VSIG10L: variants seen among roughly 807,000 people sequenced by gnomAD.
VSIG10L encodes the protein V-set and immunoglobulin domain-containing protein 10-like.
A neutral mutation model predicts 67.3 loss-of-function variants in VSIG10L; 63 were observed. The observed-to-expected ratio is 0.94, with a 90% CI of 0.76 to 1.15. The LOEUF (loss-of-function observed/expected upper bound fraction) is 1.15, where lower values mean the gene tolerates loss of function less well. VSIG10L is among the 50% of genes most tolerant of loss of function. The pLI is 0.00. For missense variants in VSIG10L, 1,050 were observed against 1,177.5 expected, an observed-to-expected ratio of 0.89 and a Z score of 1.58; for synonymous variants, 499 against 524.9, an observed-to-expected ratio of 0.95 and a Z score of 0.67.
intron 9 of VSIG10L, among the ~76,000 whole-genome samples, 199 bp from the exon 10 acceptor site, chr19:51,332,839 TTTTA>T (rs765529298): frequency 1.3e-5 from 2 of 151,886 alleles, no homozygotes; most frequent in East Asian, 1.9e-4. Context: ...AGTTGTTATT[TTTTA>T]TTTATTTATT....
At chr19:51,336,666 A>G (rs1443780074) in intron 7 of VSIG10L, among the ~76,000 whole-genome samples, 1 of 151,990 alleles carries the variant, frequency 6.6e-6, no homozygotes, top group Non-Finnish European at 1.5e-5. Flanking sequence ...AAGTCCAGGA[A>G]CGCCAAGGAT....
chr19:51,337,305 G>A lies in VSIG10L; in HGVS notation c.2238C>T (p.Thr746=), dbSNP rs1985506571. The A allele has an allele frequency of 5.2e-6, 8 of 1,551,610 alleles. No homozygotes were observed. Among genetic ancestry groups the A allele is most frequent in the East Asian group, 4.9e-5 (2 of 40,896 alleles). The stretch of plus-strand genomic sequence containing the variant: ...CCCCCAGGATGGGCAGGATCCGAAA[G>A]GTCCAGGTCCCTGGGTTCCGAGGTG... ...PLPPRNPGTW[T]FRILPILGGQ... Residue 746 remains threonine, a synonymous_variant, in exon 7 of 10, where the codon ACC becomes ACT. Coordinates refer to ENST00000335624, the MANE Select transcript of VSIG10L (RefSeq NM_001163922.3).
rs993077690 is a variant in VSIG10L, at chr19:51,334,065, G to C, written c.2420-120C>G. On this transcript the variant is annotated intron_variant, in intron 8 of 9. Transcript: ENST00000335624. ...AGCCTTATGCTGATTGGCTGATTTG[G>C]AGGTAGGAGGGCAGGATGGATGACC... 4.7e-6 allele frequency: 7 copies of C among 1,483,622 alleles called. No individual in the cohort carries two copies. In the African/African-American group the frequency reaches 9.9e-5, roughly 21 times the overall value. 91.9% of individuals were successfully genotyped at this position (1,483,622 alleles called of 1,614,324 possible). A position where few individuals can be genotyped will look rare whatever the true frequency, so the allele number is the denominator to read the frequency against.
intron 7 of VSIG10L, among the ~76,000 whole-genome samples, chr19:51,336,514 A>T (rs1427275501): frequency 6.6e-6 from 1 of 152,004 alleles, no homozygotes; most frequent in Non-Finnish European, 1.5e-5. Flanking sequence ...AGATCATGCC[A>T]TTGCACTCCA....
At position 51,332,576 on chromosome 19, in the gene VSIG10L, C is replaced by T. The variant is rs780371154; in HGVS notation, c.*35G>A. The T allele has an allele frequency of 1.3e-6, 2 of 1,551,474 alleles. No homozygotes were observed. Among genetic ancestry groups the T allele is most frequent in the East Asian group, 2.4e-5 (1 of 40,914 alleles). On this transcript the variant is annotated 3_prime_UTR_variant, in exon 10 of 10. Coordinates refer to ENST00000335624, the MANE Select transcript of VSIG10L (RefSeq NM_001163922.3). ...GGCAGACCACTGGCTCTGATCACAC[C>T]TGTGTGGCTGCGCGAACAGTCTTTG...
intron 6 of VSIG10L, among the ~76,000 whole-genome samples, 152 bp downstream of exon 6, chr19:51,337,778 G>T (rs1228244519): frequency 6.6e-6 from 1 of 151,724 alleles, no homozygotes; most frequent in Non-Finnish European, 1.5e-5. Flanking sequence ...AGGAGGGGCT[G>T]AGGCCTGGAC....
chr19:51,334,356 C>T (rs1179656723), intron 7 of VSIG10L, 52 bp from the exon 8 acceptor site: 3 of 1,504,654 alleles, frequency 2.0e-6, no homozygotes, highest in Non-Finnish European at 2.7e-6. Flanking sequence ...CAAGGTTGGA[C>T]CCAAGTTTCC....
Position 51,342,004 on chromosome 19 carries a change from G to A in VSIG10L, c.44C>T (p.Ser15Phe), listed in dbSNP as rs745534950. Residue 15 changes from serine (S) to phenylalanine (F), a missense_variant, in exon 2 of 10, where the codon TCC becomes TTC. Physicochemically the swap from Ser to Phe is radical, Grantham distance 155. Coordinates refer to ENST00000335624, the MANE Select transcript of VSIG10L (RefSeq NM_001163922.3). This position sits in a 1 kb window ranked among gnomAD's most constrained non-coding sequence, Gnocchi z 4.4. ...TCTGAGGGTGAGGATCCCTACCAAGGAGGCTGCAGAGAAGAGAGGAAGGCA... is the reference window on the plus strand; with the variant it reads ...TCTGAGGGTGAGGATCCCTACCAAGAAGGCTGCAGAGAAGAGAGGAAGGCA... ...QALPLFLLLA[S>F]LVGILTLRAS... 1.9e-6 allele frequency: 3 copies of A among 1,551,656 alleles called. No individual in the cohort carries two copies. The highest frequency in any genetic ancestry group is 4.9e-5 in the East Asian group (2 of 40,930).
chr19:51,332,303 C>T lies in VSIG10L; in HGVS notation c.*308G>A. 1 of 463,804 alleles carries T rather than the reference C, an allele frequency of 2.2e-6. No homozygotes were observed. Among genetic ancestry groups the T allele is most frequent in the Non-Finnish European group, 4.0e-6 (1 of 250,348 alleles). 28.7% of individuals were successfully genotyped at this position (463,804 alleles called of 1,614,324 possible). A position where few individuals can be genotyped will look rare whatever the true frequency, so the allele number is the denominator to read the frequency against. ...GCCAAGCTCCCTCTCTAGCTCAGAG[C>T]AACACAGCAAGCCCTGCCTGTCTGC... On this transcript the variant is annotated 3_prime_UTR_variant, in exon 10 of 10. Transcript: ENST00000335624.
At chr19:51,338,745 C>T in intron 5 of VSIG10L, 143 bp downstream of exon 5, 1 of 1,047,600 alleles carries the variant, frequency 9.5e-7, no homozygotes, top group South Asian at 4.2e-5. Flanking sequence ...AATCTTTGTC[C>T]CTTTTCTAGT....
At chr19:51,338,810 C>T (rs957821610) in intron 5 of VSIG10L, 78 bp downstream of exon 5, 1 of 1,333,744 alleles carries the variant, frequency 7.5e-7, no homozygotes, top group African/African-American at 1.5e-5. Context: ...CCCCATACCC[C>T]TTCAGAATTT....
rs1359318551 is a variant in VSIG10L at position 51,340,552 on chromosome 19, C to A, written c.1070G>T (p.Arg357Leu). The change falls in exon 3 of 10, where the codon CGC (arginine) becomes CTC (leucine). Residue 357 changes from arginine (R) to leucine (L), a missense_variant. This residue lies in a region of VSIG10L where 511 missense variants were observed against 557.9 expected (regional missense o/e 0.92). Coordinates refer to ENST00000335624, the MANE Select transcript of VSIG10L (RefSeq NM_001163922.3). The surrounding 1 kb of genome is among the most constrained non-coding windows in gnomAD (Gnocchi z 6.3). ...ESEGAETPRM[R>L]SEGDQLLIVR... The stretch of plus-strand genomic sequence containing the variant: ...GATGAGCAGCTGGTCGCCCTCTGAG[C>A]GCATCCGGGGCGTCTCGGCTCCCTC... The A allele has an allele frequency of 2.6e-6, 4 of 1,535,686 alleles. No homozygotes were observed. The highest frequency in any genetic ancestry group is 1.7e-6 in the Non-Finnish European group (2 of 1,146,058).
At position 51,334,283 on chromosome 19, in the gene VSIG10L, G is replaced by A; in HGVS notation, c.2327C>T (p.Ala776Val). The A allele has an allele frequency of 6.4e-7, 1 of 1,551,700 alleles. No homozygotes were observed. The highest frequency in any genetic ancestry group is 8.7e-7 in the Non-Finnish European group (1 of 1,146,998). ...YRAGPTLSHG[A>V]IAGIVLGSLL... ...GGAGCCCAGGACGATGCCAGCGATGGCCCCATGGCTCAACGTGGGGCCTGG... is the reference window on the plus strand; with the variant it reads ...GGAGCCCAGGACGATGCCAGCGATGACCCCATGGCTCAACGTGGGGCCTGG... The change falls in exon 8 of 10, where the codon GCC becomes GTC. Residue 776 changes from alanine to valine, a missense_variant. Ala to Val is a moderately conservative substitution (Grantham distance 64, BLOSUM62 0). Around this residue, in one of 3 missense-constraint regions of VSIG10L, gnomAD observed 529 missense variants for 584.9 expected, o/e 0.90. Transcript: ENST00000335624.
chr19:51,332,847 A>G (rs1291563084), intron 9 of VSIG10L, among the ~76,000 whole-genome samples: 2 of 151,536 alleles, frequency 1.3e-5, no homozygotes, highest in Non-Finnish European at 2.9e-5. Flanking sequence ...TTTTTTATTT[A>G]TTTATTTATT....
Position 51,338,020 on chromosome 19 carries a change from C to T in VSIG10L, c.1918G>A (p.Gly640Ser), listed in dbSNP as rs1389134792. Reference sequence around the variant, plus strand: ...AGGTCCCAATCCAGGCTGAAGTTGCCGATGTGGAGTTTCCGCCCATCTTGA... The same window carrying T: ...AGGTCCCAATCCAGGCTGAAGTTGCTGATGTGGAGTTTCCGCCCATCTTGA... ...LSQDGRKLHI[G>S]NFSLDWDLGN... is the part of the protein sequence containing the mutation. The change falls in exon 6 of 10, where the codon GGC becomes AGC. Residue 640 changes from glycine to serine, a missense_variant. Around this residue, in one of 3 missense-constraint regions of VSIG10L, gnomAD observed 529 missense variants for 584.9 expected, o/e 0.90. Coordinates refer to ENST00000335624, the MANE Select transcript of VSIG10L (RefSeq NM_001163922.3). The T allele has an allele frequency of 2.6e-6, 4 of 1,551,570 alleles. No homozygotes were observed. Among genetic ancestry groups the T allele is most frequent in the African/African-American group, 1.4e-5 (1 of 73,022 alleles).
chr19:51,332,166 A>T lies in VSIG10L; in HGVS notation c.*445T>A, dbSNP rs773981335. 3 of 244,246 alleles carry T rather than the reference A, an allele frequency of 1.2e-5. No homozygotes were observed. The highest frequency in any genetic ancestry group is 2.5e-5 in the Non-Finnish European group (3 of 121,104). The allele number at this position is 244,246 out of a possible 1,614,324, so 15.1% of individuals were successfully genotyped here. On this transcript the variant is annotated 3_prime_UTR_variant, in exon 10 of 10. Coordinates refer to ENST00000335624, the MANE Select transcript of VSIG10L (RefSeq NM_001163922.3). Reference sequence around the variant, plus strand: ...AATGCACAGGCCGTAGAAGCGTTTAAAGAGAAGAGTGACATGATCTGATCT... The same window carrying T: ...AATGCACAGGCCGTAGAAGCGTTTATAGAGAAGAGTGACATGATCTGATCT...
In VSIG10L at chr19:51,340,538, G is replaced by T; in HGVS notation, c.1084C>A (p.Gln362Lys). 6.5e-7 allele frequency: 1 copy of T among 1,535,114 alleles called. No individual in the cohort carries two copies. The highest frequency in any genetic ancestry group is 8.7e-7 in the Non-Finnish European group (1 of 1,145,562). ...CGCACAGGGCGCACGATGAGCAGCT[G>T]GTCGCCCTCTGAGCGCATCCGGGGC... is the stretch of plus-strand genomic sequence containing the variant. ...ETPRMRSEGD[Q>K]LLIVRPVRSD... Residue 362 changes from glutamine to lysine, a missense_variant, in exon 3 of 10, where the codon CAG becomes AAG. Around this residue, in one of 3 missense-constraint regions of VSIG10L, gnomAD observed 511 missense variants for 557.9 expected, o/e 0.92. Transcript: ENST00000335624. The surrounding 1 kb of genome is among the most constrained non-coding windows in gnomAD (Gnocchi z 6.3).
intron 6 of VSIG10L, 36 bp downstream of exon 6, chr19:51,337,894 G>A (rs1464041629): frequency 7.9e-6 from 12 of 1,510,880 alleles, no homozygotes; most frequent in Middle Eastern, 3.5e-4. Flanking sequence ...GGCTGGGGAC[G>A]TGGACTTCAG....
chr19:51,339,518 T>G, intron 4 of VSIG10L: 1 of 246,378 alleles, frequency 4.1e-6, no homozygotes, highest in Non-Finnish European at 7.7e-6. Flanking sequence ...GTGGACCCCT[T>G]CCCCTTTCTA....
Sources: gnomAD v4.1 joint callset for allele counts (sites outside exome capture counted in the v4.1 genomes callset) on GRCh38, gnomAD v4.1.1 for gene constraint, gnomAD v4.1.1 regional missense constraint, Gnocchi (gnomAD v3.1) non-coding constraint, MANE v1.5 for transcripts, NCBI Gene and HGNC (gene_info 2026-07-23, HGNC 2026-07-21) for gene names.